The following TBC1D5 variants were observed in gnomAD, a reference collection of about 807,000 sequenced individuals.
The protein encoded by TBC1D5 is TBC1 domain family, member 5.
In TBC1D5, 75 loss-of-function variants were observed where a neutral mutation model predicts 100.3. The ratio of observed to expected loss-of-function variants is 0.75; its 90% CI spans 0.62 to 0.91. The LOEUF is 0.91. Ranked by LOEUF, TBC1D5 falls within the 40% of genes least tolerant of loss-of-function variation. The probability of loss-of-function intolerance (pLI) is 0.00; values close to 1 mark genes in which losing one functional copy is unlikely to be tolerated. For missense variants in TBC1D5, 910 were observed against 942.4 expected (o/e 0.97, Z 0.45); for synonymous variants, 323 against 325.6 (o/e 0.99, Z 0.09).
In TBC1D5 at chr3:17,530,262, A is replaced by G. The variant is rs946089994; in HGVS notation, c.-35-21657T>C. On this transcript the variant is annotated intron_variant, in intron 2 of 21. Coordinates refer to ENST00000253692, the Ensembl canonical transcript of TBC1D5. Reference sequence around the variant, plus strand: ...TCGTCTCAAAAAAAAAAAAAAAAAAAGGGAAAAAACTGATCCAACCTAAAA... The same window carrying G: ...TCGTCTCAAAAAAAAAAAAAAAAAAGGGGAAAAAACTGATCCAACCTAAAA... 7.7e-4 allele frequency among the ~76,000 whole-genome samples: 116 copies of G among 150,702 alleles called. 1 individual carries two copies. Among genetic ancestry groups the G allele is most frequent in the Non-Finnish European group, 1.5e-3 (102 of 67,656 alleles).
chr3:17,559,032 C>G (rs900968998), intron 2 of TBC1D5, among the ~76,000 whole-genome samples: 1 of 152,000 alleles, frequency 6.6e-6, no homozygotes, highest in African/African-American at 2.4e-5. Flanking sequence ...CCCATATTTT[C>G]TGCATCAATT....
intron 2 of TBC1D5, among the ~76,000 whole-genome samples, chr3:17,574,584 G>T (rs577266303): frequency 2.0e-5 from 3 of 152,178 alleles, no homozygotes; most frequent in African/African-American, 7.2e-5. Flanking sequence ...CTCAGAGAGT[G>T]GAAGGGCCAT....
intron 8 of TBC1D5, among the ~76,000 whole-genome samples, chr3:17,402,196 T>C (rs1213080846): frequency 6.6e-6 from 1 of 152,148 alleles, no homozygotes; most frequent in Non-Finnish European, 1.5e-5. Context: ...TTAGTAGTAG[T>C]TCATGTCATC....
intron 3 of TBC1D5, among the ~76,000 whole-genome samples, chr3:17,503,250 C>T (rs1052806193): frequency 1.3e-5 from 2 of 149,622 alleles, no homozygotes; most frequent in Non-Finnish European, 2.9e-5. Context: ...AAACTCTTTA[C>T]AATCATCTGG....
intron 1 of TBC1D5, among the ~76,000 whole-genome samples, chr3:17,634,516 T>C (rs1335887688): frequency 6.7e-6 from 1 of 150,228 alleles, no homozygotes; most frequent in Non-Finnish European, 1.5e-5. Flanking sequence ...TTGTGGGATC[T>C]AAAAACCAAA....
intron 15 of TBC1D5, among the ~76,000 whole-genome samples, chr3:17,259,916 A>G (rs2078114557): frequency 6.6e-6 from 1 of 152,204 alleles, no homozygotes; most frequent in Non-Finnish European, 1.5e-5. Context: ...AGCTCCAGCT[A>G]CTACTCCACT....
chr3:17,346,756 G>A (rs1010512225), intron 13 of TBC1D5, among the ~76,000 whole-genome samples: 1 of 152,094 alleles, frequency 6.6e-6, no homozygotes, highest in Non-Finnish European at 1.5e-5. Context: ...TCAGCATATG[G>A]AGTGGGGTAT....
intron 1 of TBC1D5, among the ~76,000 whole-genome samples, chr3:17,684,575 CCCTAATAACT>C (rs2069980893): frequency 6.6e-6 from 1 of 152,014 alleles, no homozygotes; most frequent in East Asian, 1.9e-4. Flanking sequence ...AATAAGAGAG[CCCTAATAACT>C]GCTCTATGTT....
At chr3:17,288,264 T>G (rs2081362677) in intron 15 of TBC1D5, among the ~76,000 whole-genome samples, 2 of 152,218 alleles carry the variant, frequency 1.3e-5, no homozygotes, top group African/African-American at 4.8e-5. Context: ...ATAAACTTGC[T>G]GTTTTTCTCA....
chr3:17,665,256 C>T (rs2067134214), intron 1 of TBC1D5, among the ~76,000 whole-genome samples: 1 of 152,116 alleles, frequency 6.6e-6, no homozygotes, highest in Non-Finnish European at 1.5e-5. Flanking sequence ...AGTAAGGCCC[C>T]AGGCAATGAA....
chr3:17,479,968 T>TG (rs1276016007), intron 3 of TBC1D5, among the ~76,000 whole-genome samples: 1 of 152,192 alleles, frequency 6.6e-6, no homozygotes, highest in Non-Finnish European at 1.5e-5. Context: ...CCTGTGCTCT[T>TG]GGGGTCCCAG....
In TBC1D5 at chr3:17,172,399, C is replaced by T. The variant is rs534340059; in HGVS notation, c.1853-4571G>A. Among the ~76,000 whole-genome samples, 57 of 152,270 alleles carry T rather than the reference C, an allele frequency of 3.7e-4. 1 individual carries two copies. The South Asian group carries it at 0.011, about 30-fold the overall frequency. On this transcript the variant is annotated intron_variant, in intron 19 of 21. Transcript: ENST00000253692. ...ACATCTGCATGTAAAAGTAGACAAACGTAATGATGTCTTTCCATGGCTTAA... is the reference window on the plus strand; with the variant it reads ...ACATCTGCATGTAAAAGTAGACAAATGTAATGATGTCTTTCCATGGCTTAA...
intron 3 of TBC1D5, among the ~76,000 whole-genome samples, chr3:17,472,977 T>C (rs2095396832): frequency 6.6e-6 from 1 of 152,204 alleles, no homozygotes; most frequent in Non-Finnish European, 1.5e-5. Flanking sequence ...CATGCAATCC[T>C]TGAAATACAA....
chr3:17,532,335 A>T (rs2096237969), intron 2 of TBC1D5, among the ~76,000 whole-genome samples: 1 of 152,222 alleles, frequency 6.6e-6, no homozygotes, highest in East Asian at 1.9e-4. Flanking sequence ...GTCAGGAAAC[A>T]ACAGGTGCTG....
intron 1 of TBC1D5, among the ~76,000 whole-genome samples, chr3:17,634,260 G>A (rs749896647): frequency 2.6e-5 from 4 of 152,094 alleles, no homozygotes; most frequent in Non-Finnish European, 4.4e-5. Flanking sequence ...ATATCAAAGA[G>A]GTATCTGCAC....
intron 3 of TBC1D5, among the ~76,000 whole-genome samples, chr3:17,462,753 C>A (rs577405136): frequency 6.6e-6 from 1 of 152,288 alleles, no homozygotes; most frequent in East Asian, 1.9e-4. Context: ...TGAAGCAGAT[C>A]TTCTCTTTTA....
chr3:17,286,098 C>G (rs2081161038), intron 15 of TBC1D5, among the ~76,000 whole-genome samples: 1 of 152,122 alleles, frequency 6.6e-6, no homozygotes, highest in Non-Finnish European at 1.5e-5. Flanking sequence ...AATGGTAATA[C>G]ATGTACTGTA....
At chr3:17,205,434 C>T (rs1379495939) in intron 18 of TBC1D5, among the ~76,000 whole-genome samples, 2 of 152,218 alleles carry the variant, frequency 1.3e-5, no homozygotes, top group Non-Finnish European at 2.9e-5. Context: ...TGCTCAATTT[C>T]TCCCTTTCAA....
intron 1 of TBC1D5, among the ~76,000 whole-genome samples, chr3:17,646,399 C>T (rs1056817215): frequency 6.6e-6 from 1 of 152,076 alleles, no homozygotes; most frequent in Admixed American, 6.6e-5. Flanking sequence ...AAAAACTAAA[C>T]AGCACCATAA....
Sources: gnomAD v4.1 joint callset for allele counts (sites outside exome capture counted in the v4.1 genomes callset) on GRCh38, gnomAD v4.1.1 for gene constraint, MANE v1.5 for transcripts, NCBI Gene and HGNC (gene_info 2026-07-23, HGNC 2026-07-21) for gene names.